The following PCYOX1 variants were observed in gnomAD, a reference collection of about 807,000 sequenced individuals.
PCYOX1 encodes the protein prenylcysteine oxidase 1.
A neutral mutation model predicts 46.4 loss-of-function variants in PCYOX1; 46 were observed. That is an observed-to-expected ratio of 0.99 (90% CI 0.78 to 1.27). The LOEUF is 1.27. Among genes scored for constraint, PCYOX1 ranks in the 50% most tolerant of loss-of-function variants. PCYOX1 has a pLI of 0.00. For synonymous variants in PCYOX1, 220 were observed against 231.8 expected, an observed-to-expected ratio of 0.95 and a Z score of 0.46; for missense variants, 658 against 628.3, an observed-to-expected ratio of 1.05 and a Z score of -0.51.
rs141169914 is a variant in PCYOX1, at chr2:70,260,912, T to C, written c.320-300T>C. Among the ~76,000 whole-genome samples, 755 of 152,330 alleles carry C rather than the reference T, an allele frequency of 5.0e-3. 5 individuals carry two copies. The highest frequency in any genetic ancestry group is 0.01 in the Middle Eastern group (3 of 294). On this transcript the variant is annotated intron_variant, in intron 2 of 5. Transcript: ENST00000433351. ...TCTTTGTTTTTAAATTGAATTCAGT[T>C]GGTACTCTGGCTTTTTTCCTTTGAC... is the stretch of plus-strand genomic sequence containing the variant.
At chr2:70,260,844 G>T (rs1161104014) in intron 2 of PCYOX1, among the ~76,000 whole-genome samples, 1 of 152,010 alleles carries the variant, frequency 6.6e-6, no homozygotes. Flanking sequence ...GAGGGCGAAG[G>T]TATACCCAGA....
rs1696752868 is a variant in PCYOX1 at position 70,280,237 on chromosome 2, T to C, written c.*2845T>C. 2 of 152,138 alleles carry C rather than the reference T, an allele frequency of 1.3e-5. No individual in the cohort carries two copies. Among genetic ancestry groups the C allele is most frequent in the South Asian group, 4.1e-4 (2 of 4,834 alleles). 9.4% of individuals were successfully genotyped at this position (152,138 alleles called of 1,614,324 possible). A position where few individuals can be genotyped will look rare whatever the true frequency, so the allele number is the denominator to read the frequency against. ...GTTTTAATGCAACTACAGTGTTGAGTGCTTTTTTACTGGGAGAAAAATCCT... is the reference window on the plus strand; with the variant it reads ...GTTTTAATGCAACTACAGTGTTGAGCGCTTTTTTACTGGGAGAAAAATCCT... On this transcript the variant is annotated 3_prime_UTR_variant, in exon 6 of 6. Transcript: ENST00000433351.
chr2:70,264,338 T>C (rs1488687218), intron 3 of PCYOX1, among the ~76,000 whole-genome samples: 1 of 150,972 alleles, frequency 6.6e-6, no homozygotes, highest in African/African-American at 2.4e-5. Context: ...AATTACTTTT[T>C]TTTTTTTGAG....
chr2:70,259,407 C>A lies in PCYOX1; in HGVS notation c.160C>A (p.Arg54=), dbSNP rs773198726. The change falls in exon 2 of 6, where the codon CGG becomes AGG. Residue 54 remains arginine, a synonymous_variant. Coordinates refer to ENST00000433351, the MANE Select transcript of PCYOX1 (RefSeq NM_016297.4). ...IGGTSAAYYL[R]QKFGKDVKID... ...TGGCACTTCAGCAGCCTATTACCTG[C>A]GGCAGAAATTTGGGAAAGATGTGAA... is the stretch of plus-strand genomic sequence containing the variant. The A allele has an allele frequency of 1.2e-6, 2 of 1,614,030 alleles. No homozygotes were observed. Among genetic ancestry groups the A allele is most frequent in the South Asian group, 2.2e-5 (2 of 91,084 alleles).
intron 5 of PCYOX1, among the ~76,000 whole-genome samples, chr2:70,276,315 G>A (rs1392617768): frequency 1.3e-5 from 2 of 151,180 alleles, no homozygotes; most frequent in Non-Finnish European, 1.5e-5. Context: ...GACTATAGGC[G>A]CCTGCCTCAG....
chr2:70,261,585 T>G (rs1328453278), intron 3 of PCYOX1, among the ~76,000 whole-genome samples, 199 bp downstream of exon 3: 1 of 152,260 alleles, frequency 6.6e-6, no homozygotes, highest in African/African-American at 2.4e-5. Context: ...TTATTTTTGC[T>G]TCTGAAGTGT....
intron 3 of PCYOX1, 97 bp downstream of exon 3, chr2:70,261,483 C>A: frequency 1.2e-6 from 1 of 833,626 alleles, no homozygotes; most frequent in Non-Finnish European, 1.9e-6. Flanking sequence ...TAAGCATTTT[C>A]TACCTCACAG....
intron 3 of PCYOX1, among the ~76,000 whole-genome samples, chr2:70,265,804 C>T (rs900144407): frequency 2.0e-5 from 3 of 152,160 alleles, no homozygotes; most frequent in African/African-American, 4.8e-5. Context: ...CTTAACACTT[C>T]TTGATCTGAG....
Position 70,277,149 on chromosome 2 carries a change from T to C in PCYOX1, c.1275T>C (p.Tyr425=), listed in dbSNP as rs1231789454. 2.5e-6 allele frequency: 4 copies of C among 1,614,182 alleles called. No homozygotes were observed. Among genetic ancestry groups the C allele is most frequent in the Non-Finnish European group, 3.4e-6 (4 of 1,180,016 alleles). The change falls in exon 6 of 6, where the codon TAT becomes TAC. Residue 425 remains tyrosine, a synonymous_variant. Transcript: ENST00000433351. ...AAATTTTAAAGCTCTTTCTGTCCTA[T>C]GATTATGCTGTGAAGAAGCCATGGC... ...KAQILKLFLS[Y]DYAVKKPWLA...
chr2:70,275,368 C>A (rs1300840784), intron 4 of PCYOX1, 146 bp from the exon 5 acceptor site: 1 of 880,474 alleles, frequency 1.1e-6, no homozygotes, highest in Non-Finnish European at 1.8e-6. Context: ...TTCAGTAATT[C>A]TTAACTGGGG....
chr2:70,278,733 T>G lies in PCYOX1; in HGVS notation c.*1341T>G, dbSNP rs920430190. The G allele has an allele frequency of 2.5e-4, 38 of 152,298 alleles. No homozygotes were observed. Among genetic ancestry groups the G allele is most frequent in the African/African-American group, 8.2e-4 (34 of 41,572 alleles). The allele number at this position is 152,298 out of a possible 1,614,324, so 9.4% of individuals were successfully genotyped here. On this transcript the variant is annotated 3_prime_UTR_variant, in exon 6 of 6. Coordinates refer to ENST00000433351, the MANE Select transcript of PCYOX1 (RefSeq NM_016297.4). ...GGGTTTTAAAGCATCCAAATGGTAA[T>G]TAACAGGCAGCAAAACTTCAGAACT...
rs201129949 is a variant in PCYOX1 at position 70,274,936 on chromosome 2, T to C, written c.495-23T>C. The C allele has an allele frequency of 1.2e-4, 169 of 1,421,886 alleles. No individual in the cohort carries two copies. In the African/African-American group the frequency reaches 2.1e-3, roughly 17 times the overall value. 88.1% of individuals were successfully genotyped at this position (1,421,886 alleles called of 1,614,324 possible). On this transcript the variant is annotated intron_variant, in intron 3 of 5. Coordinates refer to ENST00000433351, the MANE Select transcript of PCYOX1 (RefSeq NM_016297.4). ...TCCCCACATCTTGTTTGGTATTTAA[T>C]GGATTTCTCTTCTTTTCCAAAGGAT... is the stretch of plus-strand genomic sequence containing the variant.
At chr2:70,262,522 C>T (rs576567000) in intron 3 of PCYOX1, among the ~76,000 whole-genome samples, 31 of 136,626 alleles carry the variant, frequency 2.3e-4, no homozygotes, top group South Asian at 7.3e-4. Flanking sequence ...CTCTGTCGCC[C>T]GGGCTGGAGT....
At chr2:70,264,182 C>T (rs1696481058) in intron 3 of PCYOX1, among the ~76,000 whole-genome samples, 1 of 151,246 alleles carries the variant, frequency 6.6e-6, no homozygotes, top group Non-Finnish European at 1.5e-5. Flanking sequence ...CCAGGCTGGT[C>T]TTGAATTCCT....
chr2:70,259,552 T>A lies in PCYOX1; in HGVS notation c.305T>A (p.Phe102Tyr). The A allele has an allele frequency of 6.2e-7, 1 of 1,613,516 alleles. No individual in the cohort carries two copies. The highest frequency in any genetic ancestry group is 8.5e-7 in the Non-Finnish European group (1 of 1,179,546). The change falls in exon 2 of 6, where the codon TTT (phenylalanine) becomes TAT (tyrosine). Residue 102 changes from phenylalanine to tyrosine, a missense_variant. Transcript: ENST00000433351. ...IHPLNLHMKR[F>Y]VKDLGLSAVQ... is the part of the protein sequence containing the mutation. ...CCTTTAAATCTGCACATGAAACGTT[T>A]TGTCAAAGACCTGGGTATGTAATTT...
intron 5 of PCYOX1, 69 bp downstream of exon 5, chr2:70,275,735 T>A: frequency 7.6e-7 from 1 of 1,312,754 alleles, no homozygotes; most frequent in Non-Finnish European, 1.1e-6. Flanking sequence ...GAAACACTTC[T>A]CTTCTGTCAT....
chr2:70,259,412 GA>G lies in PCYOX1; in HGVS notation c.168del (p.Lys56AsnfsTer6). 6.2e-7 allele frequency: 1 copy of G among 1,614,188 alleles called. No homozygotes were observed. Among genetic ancestry groups the G allele is most frequent in the Non-Finnish European group, 8.5e-7 (1 of 1,180,040 alleles). ...GTSAAYYLRQ[K>X]FGKDVKIDLF... ...CTTCAGCAGCCTATTACCTGCGGCA[GA>G]AATTTGGGAAAGATGTGAAGATAGA... On this transcript the variant is annotated frameshift_variant, in exon 2 of 6. Coordinates refer to ENST00000433351, the MANE Select transcript of PCYOX1 (RefSeq NM_016297.4). LOFTEE classifies it high-confidence loss of function.
chr2:70,275,133 C>A lies in PCYOX1; in HGVS notation c.669C>A (p.Val223=). The A allele has an allele frequency of 6.2e-7, 1 of 1,614,058 alleles. No homozygotes were observed. The highest frequency in any genetic ancestry group is 1.1e-5 in the South Asian group (1 of 91,070). Residue 223 remains valine (V), a synonymous_variant, in exon 4 of 6, where the codon GTC becomes GTA. Transcript: ENST00000433351. Reference sequence around the variant, plus strand: ...AAATGATTGCTCCTGTTATGAGGGTCAATTATGGCCAAAGCACGGACATCA... The same window carrying A: ...AAATGATTGCTCCTGTTATGAGGGTAAATTATGGCCAAAGCACGGACATCA... ...LNEMIAPVMR[V]NYGQSTDINA...
intron 3 of PCYOX1, among the ~76,000 whole-genome samples, chr2:70,272,229 C>T (rs1205532478): frequency 2.0e-5 from 3 of 151,196 alleles, no homozygotes; most frequent in South Asian, 2.1e-4. Context: ...CAGGTTCAAG[C>T]GATTCTCCTG....
Sources: gnomAD v4.1 joint callset for allele counts (sites outside exome capture counted in the v4.1 genomes callset) on GRCh38, gnomAD v4.1.1 for gene constraint, MANE v1.5 for transcripts, NCBI Gene and HGNC (gene_info 2026-07-23, HGNC 2026-07-21) for gene names.